Variants in SORCS3 observed in about 807,000 individuals in gnomAD.
SORCS3 encodes the protein sortilin related VPS10 domain containing receptor 3, also known as VPS10 domain-containing receptor SorCS3.
Under a neutral mutation model 146.3 loss-of-function variants are expected in SORCS3, and 57 were observed. That is an observed-to-expected ratio of 0.39 (90% CI 0.31 to 0.49). The LOEUF is 0.49. Ranked by LOEUF, SORCS3 falls within the 20% of genes least tolerant of loss-of-function variation. The pLI is 0.92. For missense variants in SORCS3, 1,341 were observed against 1,575.5 expected (o/e 0.85, Z 2.52); for synonymous variants, 653 against 618.5 (o/e 1.06, Z -0.83).
chr10:105,128,301 T>C (rs1299250921), intron 7 of SORCS3, among the ~76,000 whole-genome samples: 1 of 152,118 alleles, frequency 6.6e-6, no homozygotes, highest in Non-Finnish European at 1.5e-5. Flanking sequence ...AGCAGTGTTT[T>C]CTGAGAAACA....
At chr10:104,883,978 G>GGA (rs57287239) in intron 2 of SORCS3, among the ~76,000 whole-genome samples, 7 of 146,214 alleles carry the variant, frequency 4.8e-5, no homozygotes, top group African/African-American at 1.9e-4. Flanking sequence ...TGTGGAATGA[G>GGA]GGGGGGGAAA....
intron 1 of SORCS3, among the ~76,000 whole-genome samples, chr10:104,733,489 A>G (rs1343319204): frequency 6.6e-6 from 1 of 150,690 alleles, no homozygotes; most frequent in Non-Finnish European, 1.5e-5. Flanking sequence ...AGTTGGGACT[A>G]TAGATGCGCA....
intron 1 of SORCS3, among the ~76,000 whole-genome samples, chr10:104,722,828 C>A (rs1219731770): frequency 6.6e-6 from 1 of 151,944 alleles, no homozygotes; most frequent in African/African-American, 2.4e-5. Context: ...GGTGATATCC[C>A]CTTTATCATT....
At chr10:105,256,709 G>C (rs1427549310) in intron 24 of SORCS3, 110 bp from the exon 25 acceptor site, 1 of 767,396 alleles carries the variant, frequency 1.3e-6, no homozygotes, top group East Asian at 2.7e-5. Flanking sequence ...TTGGAGACTA[G>C]ACATAAGGAT....
intron 5 of SORCS3, among the ~76,000 whole-genome samples, chr10:105,044,373 A>G (rs1222526619): frequency 6.6e-6 from 1 of 151,940 alleles, no homozygotes; most frequent in East Asian, 1.9e-4. Context: ...AGGCCACCGT[A>G]CTCTAGCTTG....
chr10:105,012,158 C>T (rs146306650), intron 4 of SORCS3, among the ~76,000 whole-genome samples: 61 of 152,206 alleles, frequency 4.0e-4, no homozygotes, highest in African/African-American at 1.3e-3. Flanking sequence ...GATTTTTAAG[C>T]GCATAGAAGG....
chr10:104,732,548 G>C (rs561918940), intron 1 of SORCS3, among the ~76,000 whole-genome samples: 2 of 152,294 alleles, frequency 1.3e-5, no homozygotes, highest in East Asian at 1.9e-4. Flanking sequence ...GTGCCCCCAA[G>C]GGGGTGGGGG....
At chr10:104,805,431 A>G (rs545869885) in intron 1 of SORCS3, among the ~76,000 whole-genome samples, 7 of 152,212 alleles carry the variant, frequency 4.6e-5, no homozygotes, top group Non-Finnish European at 8.8e-5. Context: ...AAATTTTCAC[A>G]TGTTGTTTGA....
intron 1 of SORCS3, among the ~76,000 whole-genome samples, chr10:104,789,050 G>C (rs1433573337): frequency 2.0e-5 from 3 of 152,178 alleles, no homozygotes; most frequent in East Asian, 3.9e-4. Context: ...GCAGGGTGAG[G>C]GGGGCAGGAG....
intron 3 of SORCS3, among the ~76,000 whole-genome samples, chr10:104,953,258 C>T (rs1453667851): frequency 6.6e-6 from 1 of 152,186 alleles, no homozygotes; most frequent in South Asian, 2.1e-4. Context: ...ATTACATATT[C>T]CATTTTGTAT....
At chr10:104,813,929 C>CTTTCT (rs2017767347) in intron 1 of SORCS3, among the ~76,000 whole-genome samples, 7 of 116,156 alleles carry the variant, frequency 6.0e-5, no homozygotes. Flanking sequence ...TCTTTTCTTT[C>CTTTCT]TTTTTTTTTT....
At chr10:104,978,245 G>T (rs2054912717) in intron 4 of SORCS3, among the ~76,000 whole-genome samples, 1 of 152,224 alleles carries the variant, frequency 6.6e-6, no homozygotes, top group East Asian at 1.9e-4. Context: ...ATCACACTAT[G>T]CCACCTTGAT....
intron 18 of SORCS3, among the ~76,000 whole-genome samples, chr10:105,215,922 C>A (rs1194328173): frequency 1.6e-5 from 2 of 122,126 alleles, no homozygotes; most frequent in African/African-American, 3.2e-5. Context: ...CATATAGGAT[C>A]TTTGTTTTGT....
At chr10:104,678,110 G>A (rs983947866) in intron 1 of SORCS3, among the ~76,000 whole-genome samples, 5 of 151,338 alleles carry the variant, frequency 3.3e-5, no homozygotes, top group African/African-American at 7.3e-5. Flanking sequence ...TGAGGTTGCC[G>A]AAGTTAAATT....
At chr10:104,815,431 A>G (rs1564690117) in intron 1 of SORCS3, among the ~76,000 whole-genome samples, 3 of 138,896 alleles carry the variant, frequency 2.2e-5, no homozygotes, top group Non-Finnish European at 3.0e-5. Flanking sequence ...GCTAGGTGAC[A>G]GAGCCAGACC....
Position 105,256,955 on chromosome 10 carries a change from G to A in SORCS3, c.3443+31G>A, listed in dbSNP as rs962025715. 7 of 1,473,210 alleles carry A rather than the reference G, an allele frequency of 4.8e-6. No individual in the cohort carries two copies. The African/African-American group carries it at 9.7e-5, about 20-fold the overall frequency. 91.3% of individuals were successfully genotyped at this position (1,473,210 alleles called of 1,614,324 possible). On this transcript the variant is annotated intron_variant, in intron 25 of 26. Coordinates refer to ENST00000369701, the MANE Select transcript of SORCS3 (RefSeq NM_014978.3). ...TCCTATTATCACTCAATTTAGTAGT[G>A]GGGTTGGGGTCATTGCAAATGATTC...
At chr10:105,021,555 T>C (rs796414608) in intron 4 of SORCS3, among the ~76,000 whole-genome samples, 5 of 152,346 alleles carry the variant, frequency 3.3e-5, no homozygotes, top group African/African-American at 1.2e-4. Flanking sequence ...ACCTGAACTC[T>C]GACACATTCC....
intron 11 of SORCS3, among the ~76,000 whole-genome samples, chr10:105,160,933 G>A (rs1343446906): frequency 1.3e-5 from 2 of 152,134 alleles, no homozygotes; most frequent in Non-Finnish European, 2.9e-5. Flanking sequence ...CTGTGGGGGT[G>A]TTGTAAAAAT....
At chr10:104,907,900 T>A (rs571942306) in intron 2 of SORCS3, among the ~76,000 whole-genome samples, 1 of 152,376 alleles carries the variant, frequency 6.6e-6, no homozygotes, top group East Asian at 1.9e-4. Flanking sequence ...TGGTTATTTG[T>A]GGTCAGGCTG....
Sources: gnomAD v4.1 joint callset for allele counts (sites outside exome capture counted in the v4.1 genomes callset) on GRCh38, gnomAD v4.1.1 for gene constraint, MANE v1.5 for transcripts, NCBI Gene and HGNC (gene_info 2026-07-23, HGNC 2026-07-21) for gene names.